Variants in STK39 observed in about 807,000 individuals in gnomAD.
STK39 encodes the protein serine/threonine kinase 39.
A neutral mutation model predicts 77.8 loss-of-function variants in STK39; 20 were observed. That is an observed-to-expected ratio of 0.26 (90% CI 0.18 to 0.37). The LOEUF is 0.37. STK39 is among the 10% of genes least tolerant of loss of function. The pLI is 1.00. For synonymous variants in STK39, 246 were observed against 234.1 expected, an observed-to-expected ratio of 1.05 and a Z score of -0.47; for missense variants, 479 against 656.5, an observed-to-expected ratio of 0.73 and a Z score of 2.95.
At chr2:168,136,237 C>CGG (rs1687833744) in intron 8 of STK39, among the ~76,000 whole-genome samples, 1 of 150,470 alleles carries the variant, frequency 6.6e-6, no homozygotes, top group Non-Finnish European at 1.5e-5. Flanking sequence ...GGCGTGGTGA[C>CGG]ACACGCCTGT....
intron 10 of STK39, among the ~76,000 whole-genome samples, chr2:168,084,458 A>G (rs145921885): frequency 1.1e-4 from 17 of 152,334 alleles, no homozygotes; most frequent in African/African-American, 4.1e-4. Flanking sequence ...ACAGTGCGAG[A>G]TAATGAAATG....
At chr2:167,966,248 A>G (rs1258627064) in intron 16 of STK39, among the ~76,000 whole-genome samples, 1 of 152,198 alleles carries the variant, frequency 6.6e-6, no homozygotes, top group African/African-American at 2.4e-5. Context: ...TTTAGACACT[A>G]AAATCATCAA....
chr2:168,030,454 T>C (rs1684808614), intron 14 of STK39, among the ~76,000 whole-genome samples: 1 of 152,206 alleles, frequency 6.6e-6, no homozygotes. Flanking sequence ...AATTTTCCTA[T>C]TCCTGTAATT....
At chr2:168,012,884 C>T (rs1684306228) in intron 15 of STK39, among the ~76,000 whole-genome samples, 182 bp from the exon 16 acceptor site, 2 of 152,204 alleles carry the variant, frequency 1.3e-5, no homozygotes, top group Admixed American at 6.5e-5. Flanking sequence ...GTGCCATTTG[C>T]ATCTTGCTAT....
intron 5 of STK39, 137 bp downstream of exon 5, chr2:168,161,650 G>A (rs1160641878): frequency 2.4e-5 from 14 of 577,934 alleles, no homozygotes; most frequent in East Asian, 9.8e-5. Flanking sequence ...GTTATCCTTC[G>A]GACCCAAACA....
chr2:168,172,539 T>C (rs1004489726), intron 2 of STK39, among the ~76,000 whole-genome samples: 1 of 152,162 alleles, frequency 6.6e-6, no homozygotes, highest in African/African-American at 2.4e-5. Flanking sequence ...ATGCAAAGGG[T>C]TCAGAACAAA....
At chr2:168,172,032 G>A (rs1337005344) in intron 2 of STK39, among the ~76,000 whole-genome samples, 1 of 152,022 alleles carries the variant, frequency 6.6e-6, no homozygotes, top group East Asian at 1.9e-4. Context: ...TTACCTAGGC[G>A]GGTTATCCAA....
At chr2:168,242,277 A>G (rs907449617) in intron 1 of STK39, among the ~76,000 whole-genome samples, 2 of 152,006 alleles carry the variant, frequency 1.3e-5, no homozygotes, top group Admixed American at 6.6e-5. Context: ...AATAATACAA[A>G]AGAGGCCGGG....
chr2:168,021,278 A>G (rs1023422143), intron 14 of STK39, among the ~76,000 whole-genome samples: 9 of 152,178 alleles, frequency 5.9e-5, no homozygotes, highest in Non-Finnish European at 1.2e-4. Context: ...ATCTCTGCCT[A>G]TATCACCTGT....
At chr2:168,247,188 G>A in intron 1 of STK39, 40 bp downstream of exon 1, 1 of 1,137,240 alleles carries the variant, frequency 8.8e-7, no homozygotes, top group South Asian at 2.9e-5. Flanking sequence ...CGGCCTCGGC[G>A]CCCGGCCTGT....
At chr2:168,243,351 G>A (rs958472888) in intron 1 of STK39, among the ~76,000 whole-genome samples, 5 of 152,176 alleles carry the variant, frequency 3.3e-5, no homozygotes, top group African/African-American at 9.7e-5. Context: ...TGAGTAAAAC[G>A]CACCTGAATG....
At chr2:168,048,105 CTA>C (rs1408874935) in intron 14 of STK39, among the ~76,000 whole-genome samples, 1 of 148,202 alleles carries the variant, frequency 6.7e-6, no homozygotes. Flanking sequence ...GAGATAATCT[CTA>C]GTTATTCCAT....
chr2:168,125,655 G>A (rs1371714569), intron 10 of STK39, among the ~76,000 whole-genome samples: 1 of 152,022 alleles, frequency 6.6e-6, no homozygotes, highest in Non-Finnish European at 1.5e-5. Flanking sequence ...ACCCAGAATG[G>A]ACCAAATATT....
intron 15 of STK39, among the ~76,000 whole-genome samples, chr2:168,013,318 C>A (rs938072693): frequency 1.3e-5 from 2 of 152,138 alleles, no homozygotes; most frequent in African/African-American, 4.8e-5. Context: ...GACAGGAGTT[C>A]GCAATCTCAT....
intron 10 of STK39, among the ~76,000 whole-genome samples, chr2:168,089,199 G>T (rs967922476): frequency 6.6e-6 from 1 of 152,198 alleles, no homozygotes; most frequent in African/African-American, 2.4e-5. Context: ...AAGTTCCTAG[G>T]CAAAGAGTGT....
intron 17 of STK39, among the ~76,000 whole-genome samples, chr2:167,956,346 C>T (rs565966248): frequency 6.6e-6 from 1 of 152,224 alleles, no homozygotes; most frequent in South Asian, 2.1e-4. Flanking sequence ...ATCATGAGGT[C>T]AGGAGATCGA....
chr2:168,094,743 T>G (rs1437444486), intron 10 of STK39, among the ~76,000 whole-genome samples: 1 of 152,150 alleles, frequency 6.6e-6, no homozygotes, highest in East Asian at 1.9e-4. Flanking sequence ...CTCTCTGTCA[T>G]GTCCTCTGTG....
chr2:168,237,410 T>G (rs966454544), intron 1 of STK39, among the ~76,000 whole-genome samples: 1 of 152,240 alleles, frequency 6.6e-6, no homozygotes, highest in African/African-American at 2.4e-5. Context: ...TTTGACTTCC[T>G]CTTTTCCTAA....
chr2:168,018,007 T>C (rs564679859), intron 14 of STK39, among the ~76,000 whole-genome samples: 1 of 152,290 alleles, frequency 6.6e-6, no homozygotes, highest in Admixed American at 6.5e-5. Flanking sequence ...GTATATGCAA[T>C]TTAAAAATTA....
Sources: allele counts gnomAD v4.1 joint callset (sites outside exome capture counted in the v4.1 genomes callset), GRCh38; gene constraint gnomAD v4.1.1; transcripts MANE v1.5; gene names NCBI Gene and HGNC (gene_info 2026-07-23, HGNC 2026-07-21).